TRERF1: variants seen among roughly 807,000 people sequenced by gnomAD.
The protein encoded by TRERF1 is transcriptional regulating factor 1, also known as transcriptional-regulating factor 1.
Under a neutral mutation model 122.9 loss-of-function variants are expected in TRERF1, and 27 were observed. The observed-to-expected ratio is 0.22, with a 90% confidence interval of 0.16 to 0.30. The LOEUF (loss-of-function observed/expected upper bound fraction) is 0.30. Ranked by LOEUF, TRERF1 falls within the 10% of genes least tolerant of loss-of-function variation. The probability of loss-of-function intolerance (pLI) is 1.00; values close to 1 mark genes in which losing one functional copy is unlikely to be tolerated. For missense variants in TRERF1, 1,248 were observed against 1,560.3 expected, an observed-to-expected ratio of 0.80 and a Z score of 3.37; for synonymous variants, 636 against 641.7, an observed-to-expected ratio of 0.99 and a Z score of 0.13.
intron 3 of TRERF1, among the ~76,000 whole-genome samples, chr6:42,329,362 T>C (rs1271750808): frequency 6.6e-6 from 1 of 152,000 alleles, no homozygotes; most frequent in Non-Finnish European, 1.5e-5. Context: ...ACATTCAATC[T>C]CTGCCTCTGA....
At chr6:42,332,463 A>T (rs1021325089) in intron 3 of TRERF1, among the ~76,000 whole-genome samples, 1 of 152,216 alleles carries the variant, frequency 6.6e-6, no homozygotes, top group African/African-American at 2.4e-5. Context: ...GGGCAATGCC[A>T]ACTCACCTCC....
chr6:42,302,404 A>T (rs1786375067), intron 3 of TRERF1, among the ~76,000 whole-genome samples: 1 of 152,204 alleles, frequency 6.6e-6, no homozygotes, highest in South Asian at 2.1e-4. Context: ...GCTGCTTTTA[A>T]GTAGTTCTTA....
At chr6:42,348,602 C>T (rs1768795977) in intron 3 of TRERF1, among the ~76,000 whole-genome samples, 1 of 152,168 alleles carries the variant, frequency 6.6e-6, no homozygotes, top group East Asian at 1.9e-4. Flanking sequence ...AAATTTCATC[C>T]TTCTGTTAGA....
rs557422258 is a variant in TRERF1 at position 42,371,750 on chromosome 6, T to C, written c.-453-8671A>G. Among the ~76,000 whole-genome samples the C allele has an allele frequency of 2.6e-5, 4 of 152,282 alleles. No individual in the cohort carries two copies. In the South Asian group the frequency reaches 6.2e-4, roughly 24 times the overall value. ...CCCCTGTCCTATAAGAAAGAAGCCA[T>C]TGGCAATTCTGTCTCCTTAAATGTC... is the stretch of plus-strand genomic sequence containing the variant. On this transcript the variant is annotated intron_variant, in intron 2 of 17. Transcript: ENST00000372922.
intron 12 of TRERF1, among the ~76,000 whole-genome samples, chr6:42,255,986 C>T (rs1286170440): frequency 6.6e-6 from 1 of 152,062 alleles, no homozygotes. Flanking sequence ...CAAAAACTAG[C>T]CAGGCATGGT....
chr6:42,421,667 G>A (rs550898284), intron 2 of TRERF1, among the ~76,000 whole-genome samples: 3 of 152,188 alleles, frequency 2.0e-5, no homozygotes, highest in South Asian at 4.1e-4. Flanking sequence ...CCGGCTAATC[G>A]GGAGGCTGAG....
chr6:42,237,396 T>C (rs9462790), intron 15 of TRERF1, among the ~76,000 whole-genome samples: 4,989 of 152,312 alleles, frequency 0.033, 293 homozygotes, highest in African/African-American at 0.11. Context: ...TGAGGGCTGC[T>C]GGCTCCTGCA....
At chr6:42,313,094 G>C (rs1761941599) in intron 3 of TRERF1, among the ~76,000 whole-genome samples, 1 of 152,050 alleles carries the variant, frequency 6.6e-6, no homozygotes. Flanking sequence ...GCTGTGTAGA[G>C]AGGGGAACCA....
intron 1 of TRERF1, chr6:42,451,877 C>T: frequency 6.5e-6 from 1 of 152,804 alleles, no homozygotes; most frequent in Admixed American, 6.5e-5. Flanking sequence ...CTTCAGGAAA[C>T]TTACTCCCCA....
At chr6:42,365,894 T>C (rs1772629959) in intron 2 of TRERF1, among the ~76,000 whole-genome samples, 1 of 152,242 alleles carries the variant, frequency 6.6e-6, no homozygotes, top group Non-Finnish European at 1.5e-5. Context: ...CTCCATGCTT[T>C]GGCTTTGGAG....
At chr6:42,386,275 C>CT (rs1242428953) in intron 2 of TRERF1, among the ~76,000 whole-genome samples, 2 of 152,138 alleles carry the variant, frequency 1.3e-5, no homozygotes, top group Non-Finnish European at 2.9e-5. Flanking sequence ...CATACAGTGA[C>CT]TGTATTTTTA....
exon 18 of TRERF1, chr6:42,225,596 T>C (rs1045495234): frequency 3.3e-5 from 5 of 151,754 alleles, no homozygotes; most frequent in Non-Finnish European, 7.4e-5. Context: ...CTTATAATAG[T>C]GCAAACCTGA....
intron 4 of TRERF1, among the ~76,000 whole-genome samples, chr6:42,297,480 T>C (rs148502376): frequency 0.014 from 2,091 of 152,252 alleles, 18 homozygotes; most frequent in South Asian, 0.03. Flanking sequence ...CTCCACAAAG[T>C]TGGGACTTCA....
intron 2 of TRERF1, among the ~76,000 whole-genome samples, chr6:42,392,996 T>C (rs1026342515): frequency 2.0e-5 from 3 of 151,142 alleles, no homozygotes; most frequent in Admixed American, 6.6e-5. Flanking sequence ...ACTCCCACTA[T>C]GGCGTTTCAA....
chr6:42,256,330 G>GCT (rs1354768190), intron 12 of TRERF1, among the ~76,000 whole-genome samples: 1 of 152,016 alleles, frequency 6.6e-6, no homozygotes, highest in Admixed American at 6.6e-5. Context: ...TCAAACTTTG[G>GCT]CTGATTTCCA....
At chr6:42,436,394 T>G (rs1160254914) in intron 2 of TRERF1, among the ~76,000 whole-genome samples, 1 of 152,098 alleles carries the variant, frequency 6.6e-6, no homozygotes, top group African/African-American at 2.4e-5. Flanking sequence ...AATAAGCAAC[T>G]ATTTTTTTAA....
chr6:42,277,533 C>T (rs1378519456), intron 4 of TRERF1, among the ~76,000 whole-genome samples: 1 of 152,090 alleles, frequency 6.6e-6, no homozygotes, highest in Non-Finnish European at 1.5e-5. Flanking sequence ...GGCTTTGGCT[C>T]TGTGAATATG....
chr6:42,444,032 T>C (rs1392399314), intron 2 of TRERF1, among the ~76,000 whole-genome samples: 1 of 152,066 alleles, frequency 6.6e-6, no homozygotes, highest in Non-Finnish European at 1.5e-5. Context: ...GTCCAGAGCC[T>C]TGGTGTAGAG....
intron 2 of TRERF1, among the ~76,000 whole-genome samples, chr6:42,429,060 G>A (rs116022963): frequency 7.2e-5 from 11 of 152,150 alleles, no homozygotes; most frequent in East Asian, 1.9e-4. Context: ...CCCAGCAGGC[G>A]CTGGGTGAAT....
Sources: allele counts gnomAD v4.1 joint callset (sites outside exome capture counted in the v4.1 genomes callset), GRCh38; gene constraint gnomAD v4.1.1; transcripts MANE v1.5; gene names NCBI Gene and HGNC (gene_info 2026-07-23, HGNC 2026-07-21).